Variants in BEND6 observed in about 807,000 individuals in gnomAD.
BEND6 encodes BEN domain containing 6.
Under a neutral mutation model 31.8 loss-of-function variants are expected in BEND6, and 24 were observed. That is an observed-to-expected ratio of 0.75 (90% CI 0.55 to 1.06). The LOEUF (loss-of-function observed/expected upper bound fraction) is 1.06, where lower values mean the gene tolerates loss of function less well. Among genes scored for constraint, BEND6 ranks in the 50% least tolerant of loss-of-function variants. The pLI is 0.00. For synonymous variants in BEND6, 109 were observed against 114.6 expected (o/e 0.95, Z 0.31); for missense variants, 294 against 327.4 (o/e 0.90, Z 0.79).
intron 3 of BEND6, among the ~76,000 whole-genome samples, chr6:56,994,581 G>T (rs1485031417): frequency 6.6e-6 from 1 of 151,058 alleles, no homozygotes; most frequent in Non-Finnish European, 1.5e-5. Context: ...CCCCACTAAG[G>T]TTTCCTCATC....
intron 1 of BEND6, among the ~76,000 whole-genome samples, chr6:56,980,696 C>G (rs2127851740): frequency 6.6e-6 from 1 of 152,210 alleles, no homozygotes; most frequent in African/African-American, 2.4e-5. Flanking sequence ...TAGAGTAGAT[C>G]ATAATGGCTT....
At chr6:56,965,220 G>C (rs1825429739) in intron 1 of BEND6, among the ~76,000 whole-genome samples, 1 of 151,964 alleles carries the variant, frequency 6.6e-6, no homozygotes, top group Non-Finnish European at 1.5e-5. Flanking sequence ...CTTCAAGGTG[G>C]TAAGAAAAAA....
intron 1 of BEND6, among the ~76,000 whole-genome samples, chr6:56,963,997 TA>T (rs1286595741): frequency 1.4e-5 from 2 of 145,564 alleles, no homozygotes; most frequent in African/African-American, 2.5e-5. Context: ...ATTATTGTTA[TA>T]AAATAAGATA....
chr6:57,010,895 CTT>C lies in BEND6; in HGVS notation c.299-4236_299-4235del, dbSNP rs376852618. 11 of 605,462 alleles carry C rather than the reference CTT, an allele frequency of 1.8e-5. No homozygotes were observed. In the East Asian group the frequency reaches 1.5e-3, roughly 85 times the overall value. 37.5% of individuals were successfully genotyped at this position (605,462 alleles called of 1,614,324 possible). A position where few individuals can be genotyped will look rare whatever the true frequency, so the allele number is the denominator to read the frequency against. On this transcript the variant is annotated intron_variant, in intron 3 of 6. Transcript: ENST00000370746. Reference sequence around the variant, plus strand: ...ATGTTATAAAATTAAAAGATAAACACTTTGAGAAAAATATTTGCAACTCAAGA... The same window carrying C: ...ATGTTATAAAATTAAAAGATAAACACTGAGAAAAATATTTGCAACTCAAGA...
intron 3 of BEND6, among the ~76,000 whole-genome samples, chr6:57,001,155 C>CT (rs33918532): frequency 0.021 from 2,523 of 118,212 alleles, 97 homozygotes; most frequent in African/African-American, 0.071. Context: ...AAGAAAAAGT[C>CT]TTTTTTTTTT....
rs373667267 is a variant in BEND6 at position 56,987,168 on chromosome 6, C to T, written c.121-5210C>T. Among the ~76,000 whole-genome samples, 10 of 151,896 alleles carry T rather than the reference C, an allele frequency of 6.6e-5. No individual in the cohort carries two copies. In the South Asian group the frequency reaches 1.0e-3, roughly 16 times the overall value. Reference sequence around the variant, plus strand: ...AATTTTTTTGTATTTTTAGTAGAGACGAGGTTTCACCATATTGGCCAGGCT... The same window carrying T: ...AATTTTTTTGTATTTTTAGTAGAGATGAGGTTTCACCATATTGGCCAGGCT... On this transcript the variant is annotated intron_variant, in intron 2 of 6. Transcript: ENST00000370746.
At chr6:56,983,690 T>A (rs950988936) in intron 2 of BEND6, among the ~76,000 whole-genome samples, 2 of 152,194 alleles carry the variant, frequency 1.3e-5, no homozygotes, top group Admixed American at 1.3e-4. Flanking sequence ...ATATTAATTC[T>A]ACTGTTTTTT....
intron 1 of BEND6, among the ~76,000 whole-genome samples, chr6:56,956,637 C>T (rs1452615052): frequency 1.3e-5 from 2 of 152,198 alleles, no homozygotes; most frequent in Non-Finnish European, 2.9e-5. Flanking sequence ...TGCTTGGAGA[C>T]ACTGCATAAG....
intron 3 of BEND6, 58 bp downstream of exon 3, chr6:56,992,613 A>G: frequency 6.6e-7 from 1 of 1,505,466 alleles, no homozygotes; most frequent in Non-Finnish European, 8.9e-7. Context: ...ATCAGTGGAA[A>G]GTATTGCAAA....
At chr6:57,021,629 T>G (rs890605832) in intron 6 of BEND6, among the ~76,000 whole-genome samples, 2 of 152,200 alleles carry the variant, frequency 1.3e-5, no homozygotes, top group Non-Finnish European at 2.9e-5. Context: ...GTCTCCATTT[T>G]TTACTTCTTT....
intron 3 of BEND6, among the ~76,000 whole-genome samples, chr6:57,001,624 A>G (rs1396511397): frequency 6.6e-6 from 1 of 152,254 alleles, no homozygotes; most frequent in Non-Finnish European, 1.5e-5. Flanking sequence ...ACCAAGAGGT[A>G]CATATCCTGA....
intron 6 of BEND6, 81 bp downstream of exon 6, chr6:57,018,638 C>T (rs1468877162): frequency 3.9e-6 from 5 of 1,276,020 alleles, no homozygotes; most frequent in Non-Finnish European, 5.1e-6. Flanking sequence ...TAGCATTTTC[C>T]AATCACTCTA....
intron 3 of BEND6, among the ~76,000 whole-genome samples, chr6:56,994,876 C>G (rs1008990553): frequency 3.9e-5 from 6 of 152,146 alleles, no homozygotes; most frequent in Non-Finnish European, 8.8e-5. Flanking sequence ...AGTTTCTTCT[C>G]TCTCCCACGC....
chr6:56,982,754 G>A (rs993240254), intron 2 of BEND6, among the ~76,000 whole-genome samples: 1 of 151,914 alleles, frequency 6.6e-6, no homozygotes, highest in African/African-American at 2.4e-5. Context: ...CCTGCCACCA[G>A]CCCCCCAATA....
At chr6:56,983,543 A>G (rs955145441) in intron 2 of BEND6, among the ~76,000 whole-genome samples, 2 of 152,140 alleles carry the variant, frequency 1.3e-5, no homozygotes, top group African/African-American at 2.4e-5. Context: ...TTCCAGATGT[A>G]AGTGAGATCA....
At chr6:57,004,439 G>T in intron 3 of BEND6, 1 of 588,466 alleles carries the variant, frequency 1.7e-6, no homozygotes, top group South Asian at 1.7e-5. Flanking sequence ...CCAGCTGGCT[G>T]CCCATAGCCA....
chr6:57,017,118 G>A lies in BEND6; in HGVS notation c.520-89G>A, dbSNP rs77561763. On this transcript the variant is annotated intron_variant, in intron 4 of 6. Coordinates refer to ENST00000370746, the MANE Select transcript of BEND6 (RefSeq NM_152731.3). ...TCTTACCTTAAAAAATGTTGACATTGTTTTCTTTTATGCCTTAACTCAATT... is the reference window on the plus strand; with the variant it reads ...TCTTACCTTAAAAAATGTTGACATTATTTTCTTTTATGCCTTAACTCAATT... 1,558 of 753,470 alleles carry A rather than the reference G, an allele frequency of 2.1e-3. 23 individuals are homozygous for A. The African/African-American group carries it at 0.027, about 13-fold the overall frequency. 46.7% of individuals were successfully genotyped at this position (753,470 alleles called of 1,614,324 possible).
intron 3 of BEND6, chr6:57,010,174 T>C (rs1827297283): frequency 6.6e-6 from 1 of 152,050 alleles, no homozygotes; most frequent in South Asian, 2.1e-4. Context: ...CTACATCAAA[T>C]ACAGGGAACA....
chr6:57,001,402 G>C (rs1027753530), intron 3 of BEND6, among the ~76,000 whole-genome samples: 16 of 152,224 alleles, frequency 1.1e-4, no homozygotes, highest in African/African-American at 3.1e-4. Flanking sequence ...GGGCTCAAGT[G>C]ATCCACTACC....
Sources: allele counts gnomAD v4.1 joint callset (sites outside exome capture counted in the v4.1 genomes callset), GRCh38; gene constraint gnomAD v4.1.1; transcripts MANE v1.5; gene names NCBI Gene and HGNC (gene_info 2026-07-23, HGNC 2026-07-21).